TBC1D22A: variants seen among roughly 807,000 people sequenced by gnomAD.
TBC1D22A encodes TBC1 domain family member 22A, also known as putative GTPase activator.
TBC1D22A carries 38 observed loss-of-function variants against 60.2 expected under a neutral mutation model. That is an observed-to-expected ratio of 0.63 (90% CI 0.49 to 0.83). The LOEUF (loss-of-function observed/expected upper bound fraction) is 0.83. Among genes scored for constraint, TBC1D22A ranks in the 40% least tolerant of loss-of-function variants. The probability of loss-of-function intolerance (pLI) is 0.00; values close to 1 mark genes in which losing one functional copy is unlikely to be tolerated. For missense variants in TBC1D22A, 628 were observed against 701.0 expected (o/e 0.90, Z 1.18); for synonymous variants, 302 against 281.7 (o/e 1.07, Z -0.72).
rs568710180 is a variant in TBC1D22A at position 46,802,756 on chromosome 22, G to C, written c.637+5136G>C. 5.8e-4 allele frequency among the ~76,000 whole-genome samples: 89 copies of C among 152,156 alleles called. No individual in the cohort carries two copies. The East Asian group carries it at 6.4e-3, about 11-fold the overall frequency. On this transcript the variant is annotated intron_variant, in intron 4 of 12. Coordinates refer to ENST00000337137, the MANE Select transcript of TBC1D22A (RefSeq NM_014346.5). ...AGTGTTGCCAGTGGCCATGGACGAC[G>C]TGGAGTCCTTGGGCAGCTCATGGGA...
At chr22:46,862,033 C>G (rs1298417138) in intron 4 of TBC1D22A, among the ~76,000 whole-genome samples, 1 of 151,864 alleles carries the variant, frequency 6.6e-6, no homozygotes, top group Non-Finnish European at 1.5e-5. Context: ...TCAGGAGGGA[C>G]TGGACATGTG....
chr22:46,765,658 G>C (rs1230738315), intron 1 of TBC1D22A, among the ~76,000 whole-genome samples: 8 of 151,924 alleles, frequency 5.3e-5, no homozygotes, highest in African/African-American at 1.9e-4. Flanking sequence ...GTAGAGATGG[G>C]GTTTCGCCAT....
chr22:47,031,656 A>G (rs2062478683), intron 10 of TBC1D22A, among the ~76,000 whole-genome samples: 1 of 152,038 alleles, frequency 6.6e-6, no homozygotes, highest in Non-Finnish European at 1.5e-5. Context: ...AGTGGTGGCA[A>G]TCCTCAGGCC....
intron 11 of TBC1D22A, among the ~76,000 whole-genome samples, chr22:47,079,799 G>A (rs988247447): frequency 3.3e-5 from 5 of 152,194 alleles, no homozygotes; most frequent in African/African-American, 1.2e-4. Context: ...AGTTATGTTA[G>A]ATATAAATGG....
intron 11 of TBC1D22A, among the ~76,000 whole-genome samples, chr22:47,040,121 A>G (rs1240813210): frequency 2.6e-5 from 4 of 151,156 alleles, no homozygotes; most frequent in African/African-American, 4.9e-5. Context: ...ATTTTTTTGT[A>G]TTTTTAGTAG....
intron 4 of TBC1D22A, among the ~76,000 whole-genome samples, chr22:46,828,219 A>C (rs562479488): frequency 2.1e-4 from 32 of 152,356 alleles, no homozygotes; most frequent in African/African-American, 7.5e-4. Context: ...ACATTTGCTC[A>C]GCATGATTTC....
At chr22:46,767,217 T>G (rs2083319125) in intron 1 of TBC1D22A, among the ~76,000 whole-genome samples, 1 of 152,198 alleles carries the variant, frequency 6.6e-6, no homozygotes. Context: ...ACCCTCCTAG[T>G]CAGAGGACTA....
At position 46,806,996 on chromosome 22, in the gene TBC1D22A, C is replaced by G. The variant is rs550777099; in HGVS notation, c.637+9376C>G. 4.6e-5 allele frequency among the ~76,000 whole-genome samples: 7 copies of G among 152,364 alleles called. No homozygotes were observed. The South Asian group carries it at 1.5e-3, about 32-fold the overall frequency. ...CCTCCCCAGGCATGGCCTGGATACT[C>G]TAGTATTATGGGATATTTTATAAGA... On this transcript the variant is annotated intron_variant, in intron 4 of 12. Coordinates refer to ENST00000337137, the MANE Select transcript of TBC1D22A (RefSeq NM_014346.5).
intron 11 of TBC1D22A, among the ~76,000 whole-genome samples, chr22:47,083,044 C>T (rs1382839382): frequency 1.3e-5 from 2 of 152,162 alleles, no homozygotes; most frequent in East Asian, 3.8e-4. Context: ...AACATTTTAA[C>T]CAGCAAGAGA....
At chr22:46,944,396 C>T (rs1000051865) in intron 8 of TBC1D22A, among the ~76,000 whole-genome samples, 1 of 152,148 alleles carries the variant, frequency 6.6e-6, no homozygotes, top group African/African-American at 2.4e-5. Flanking sequence ...GCATTAAATT[C>T]TATGCATTCC....
At chr22:47,018,248 G>C (rs752157128) in intron 10 of TBC1D22A, among the ~76,000 whole-genome samples, 1 of 152,248 alleles carries the variant, frequency 6.6e-6, no homozygotes, top group Admixed American at 6.5e-5. Flanking sequence ...CCTGTGTTTC[G>C]TCTGCAGCGG....
chr22:47,029,894 G>A (rs1245178369), intron 10 of TBC1D22A, among the ~76,000 whole-genome samples: 1 of 152,244 alleles, frequency 6.6e-6, no homozygotes, highest in Non-Finnish European at 1.5e-5. Flanking sequence ...GGCCGGGGCT[G>A]CTGCTCGTCC....
Position 46,932,720 on chromosome 22 carries a change from C to CTTTTTTTTTTTTT in TBC1D22A, c.1015+20542_1015+20554dup, listed in dbSNP as rs67463903. ...AGTGCAGTGTGCGTTGTCCTTCTTG[C>CTTTTTTTTTTTTT]TTTTTTTTTTTTTTTTTTTTTTGAG... On this transcript the variant is annotated intron_variant, in intron 8 of 12. Transcript: ENST00000337137. Among the ~76,000 whole-genome samples, 11 of 66,322 alleles carry CTTTTTTTTTTTTT rather than the reference C, an allele frequency of 1.7e-4. 1 individual carries two copies. The highest frequency in any genetic ancestry group is 7.5e-4 in the African/African-American group (11 of 14,754). The allele number at this position is 66,322 out of a possible 152,430, so 43.5% of individuals were successfully genotyped here.
At chr22:47,097,476 T>G (rs189891825) in intron 11 of TBC1D22A, among the ~76,000 whole-genome samples, 1 of 152,022 alleles carries the variant, frequency 6.6e-6, no homozygotes, top group African/African-American at 2.4e-5. Flanking sequence ...TAGCCGGGCG[T>G]GGTGGTGGGC....
intron 11 of TBC1D22A, among the ~76,000 whole-genome samples, chr22:47,080,919 G>C (rs9615128): frequency 0.023 from 3,532 of 152,066 alleles, 65 homozygotes; most frequent in Non-Finnish European, 0.038. Context: ...TCAGGAGATC[G>C]AGACCAGCCT....
intron 7 of TBC1D22A, among the ~76,000 whole-genome samples, chr22:46,911,448 C>A (rs960752084): frequency 6.6e-6 from 1 of 152,182 alleles, no homozygotes; most frequent in Non-Finnish European, 1.5e-5. Flanking sequence ...ATGCCTCCCT[C>A]CCTGAGGAAG....
intron 11 of TBC1D22A, among the ~76,000 whole-genome samples, chr22:47,098,982 C>T (rs1044355964): frequency 6.6e-5 from 10 of 152,174 alleles, no homozygotes; most frequent in Admixed American, 3.3e-4. Flanking sequence ...ACCCTGACTG[C>T]GGGGGCTCCT....
intron 12 of TBC1D22A, among the ~76,000 whole-genome samples, chr22:47,160,880 G>A (rs1037043985): frequency 1.3e-5 from 2 of 152,174 alleles, no homozygotes; most frequent in East Asian, 1.9e-4. Context: ...ACCCGCAGGC[G>A]CTGTGGAGCC....
chr22:46,789,419 T>G (rs1422328736), intron 1 of TBC1D22A: 1 of 450,862 alleles, frequency 2.2e-6, no homozygotes, highest in Non-Finnish European at 4.6e-6. Context: ...TGTGACATGC[T>G]CTTGTAGGAA....
Sources: gnomAD v4.1 joint callset for allele counts (sites outside exome capture counted in the v4.1 genomes callset) on GRCh38, gnomAD v4.1.1 for gene constraint, MANE v1.5 for transcripts, NCBI Gene and HGNC (gene_info 2026-07-23, HGNC 2026-07-21) for gene names.